Variants in FGF13 observed in about 807,000 individuals in gnomAD.
FGF13 encodes fibroblast growth factor homologous factor 2.
A neutral mutation model predicts 19.5 loss-of-function variants in FGF13; 2 were observed. That is an observed-to-expected ratio of 0.10 (90% CI 0.04 to 0.32). The LOEUF (loss-of-function observed/expected upper bound fraction) is 0.32. Among genes scored for constraint, FGF13 ranks in the 10% least tolerant of loss-of-function variants. The probability of loss-of-function intolerance (pLI) is 1.00; values close to 1 mark genes in which losing one functional copy is unlikely to be tolerated. For synonymous variants in FGF13, 72 were observed against 76.9 expected, an observed-to-expected ratio of 0.94 and a Z score of 0.33; for missense variants, 113 against 192.7, an observed-to-expected ratio of 0.59 and a Z score of 2.45.
At chrX:138,677,116 T>C (rs920263944) in intron 3 of FGF13, among the ~76,000 whole-genome samples, 12 of 112,380 alleles carry the variant, frequency 1.1e-4, no homozygotes, top group Admixed American at 5.7e-4. Flanking sequence ...CTATCTATTA[T>C]AGTTATGTGC....
rs1407776481 is a variant in FGF13, at chrX:139,201,323, TTA to T, written c.-113+2091_-113+2092del. ...TTACTGGAAACCTACTACCTGTGCT[TTA>T]AAAGCTCTGGAAACACTGTACTCTA... On this transcript the variant is annotated intron_variant, in intron 1 of 2. Coordinates refer to the FGF13 transcript ENST00000421460. Among the ~76,000 whole-genome samples, 3 of 112,050 alleles carry T rather than the reference TTA, an allele frequency of 2.7e-5. No homozygotes were observed. The Admixed American group carries it at 2.8e-4, about 11-fold the overall frequency.
At chrX:139,114,838 A>G (rs996763104) in intron 1 of FGF13, among the ~76,000 whole-genome samples, 3 of 112,138 alleles carry the variant, frequency 2.7e-5, no homozygotes, top group African/African-American at 9.7e-5. Context: ...CTAAATATAT[A>G]TCCCCAAAAC....
intron 3 of FGF13, among the ~76,000 whole-genome samples, chrX:138,826,750 G>A (rs1012066454): frequency 7.1e-5 from 8 of 112,063 alleles, no homozygotes; most frequent in African/African-American, 2.6e-4. Flanking sequence ...ATCTTTCAGT[G>A]GATCTATTAG....
chrX:138,943,190 G>A (rs1338179311), intron 1 of FGF13, among the ~76,000 whole-genome samples: 2 of 112,247 alleles, frequency 1.8e-5, no homozygotes, highest in African/African-American at 3.2e-5. Flanking sequence ...CAGTGGGTGG[G>A]CCCCAGGGCT....
rs147582247 is a variant in FGF13 at position 139,043,208 on chromosome X, C to T, written c.-113+160208G>A. ...GGCTACACTTTTCAATTAGGGAAAG[C>T]TAATCAATATTTTTTGGGGTGGGGA... On this transcript the variant is annotated intron_variant, in intron 1 of 2. Coordinates refer to the FGF13 transcript ENST00000421460. 9.4e-3 allele frequency among the ~76,000 whole-genome samples: 1,043 copies of T among 110,564 alleles called. 19 individuals carry two copies. The highest frequency in any genetic ancestry group is 0.032 in the African/African-American group (971 of 30,198).
intron 3 of FGF13, among the ~76,000 whole-genome samples, chrX:138,661,402 C>T (rs977187564): frequency 3.6e-5 from 4 of 111,843 alleles, no homozygotes; most frequent in Non-Finnish European, 5.6e-5. Context: ...TTACGGCTAA[C>T]GAAGGCTTCA....
At chrX:138,973,790 T>C (rs1225509945) in intron 1 of FGF13, among the ~76,000 whole-genome samples, 1 of 112,241 alleles carries the variant, frequency 8.9e-6, no homozygotes, top group East Asian at 2.8e-4. Context: ...GTTTATCTTG[T>C]ATCATATGAG....
At chrX:138,780,691 C>CTT (rs2090633484) in intron 3 of FGF13, among the ~76,000 whole-genome samples, 2 of 106,062 alleles carry the variant, frequency 1.9e-5, no homozygotes, top group Non-Finnish European at 3.9e-5. Flanking sequence ...TACAAAGAGA[C>CTT]TTAGACTCCC....
chrX:138,846,818 C>T (rs1359391854), intron 3 of FGF13, among the ~76,000 whole-genome samples: 1 of 112,167 alleles, frequency 8.9e-6, no homozygotes, highest in Non-Finnish European at 1.9e-5. Flanking sequence ...AGATCTATTG[C>T]ATTCAAATCG....
chrX:139,019,759 T>G (rs994352385), intron 1 of FGF13, among the ~76,000 whole-genome samples: 8 of 110,631 alleles, frequency 7.2e-5, no homozygotes, highest in Non-Finnish European at 1.5e-4. Flanking sequence ...AGTGTTCATG[T>G]CTATGTGTGT....
chrX:138,961,094 G>A (rs996735029), intron 1 of FGF13, among the ~76,000 whole-genome samples: 1 of 110,450 alleles, frequency 9.1e-6, no homozygotes, highest in East Asian at 2.9e-4. Context: ...AGAGGTGCTC[G>A]GTTTTTAGAA....
chrX:138,764,182 G>A (rs1040058803), intron 3 of FGF13, among the ~76,000 whole-genome samples: 1 of 111,991 alleles, frequency 8.9e-6, no homozygotes, highest in Admixed American at 9.5e-5. Flanking sequence ...CTGTGATGAG[G>A]AAGCATGCCA....
chrX:138,767,228 GCTT>G (rs952283353), intron 3 of FGF13, among the ~76,000 whole-genome samples: 3 of 111,938 alleles, frequency 2.7e-5, no homozygotes, highest in Admixed American at 1.9e-4. Context: ...ACTGGTGCTG[GCTT>G]CTTCTTCTTG....
intron 1 of FGF13, among the ~76,000 whole-genome samples, chrX:138,939,727 T>C (rs6635734): frequency 1.1e-3 from 128 of 111,899 alleles, no homozygotes; most frequent in African/African-American, 4.1e-3. Flanking sequence ...GCTTCATCCA[T>C]GTTGCTGCAA....
At chrX:138,814,824 G>A (rs2090950657) in intron 3 of FGF13, among the ~76,000 whole-genome samples, 1 of 110,887 alleles carries the variant, frequency 9.0e-6, no homozygotes, top group Non-Finnish European at 1.9e-5. Flanking sequence ...ATATGATCCA[G>A]TAATTCCATT....
intron 1 of FGF13, among the ~76,000 whole-genome samples, chrX:139,096,750 G>C (rs776420253): frequency 2.7e-5 from 3 of 111,898 alleles, no homozygotes; most frequent in Non-Finnish European, 5.6e-5. Flanking sequence ...TCAATGCTAT[G>C]AGTAACTTTA....
chrX:138,673,781 T>G (rs1456075960), intron 3 of FGF13, among the ~76,000 whole-genome samples: 1 of 110,893 alleles, frequency 9.0e-6, no homozygotes, highest in Non-Finnish European at 1.9e-5. Flanking sequence ...CTGAGAAATT[T>G]GAGTATGAAA....
At chrX:138,969,690 C>T (rs2091907858) in intron 1 of FGF13, among the ~76,000 whole-genome samples, 1 of 111,534 alleles carries the variant, frequency 9.0e-6, no homozygotes, top group African/African-American at 3.3e-5. Context: ...CACACCACTA[C>T]AGCAAATTAG....
At chrX:138,685,935 T>C (rs916602575) in intron 3 of FGF13, among the ~76,000 whole-genome samples, 1 of 109,531 alleles carries the variant, frequency 9.1e-6, no homozygotes, top group African/African-American at 3.3e-5. Context: ...TTTCTCAATA[T>C]ACTAAATGAA....
Sources: gnomAD v4.1 joint callset for allele counts (sites outside exome capture counted in the v4.1 genomes callset) on GRCh38, gnomAD v4.1.1 for gene constraint, MANE v1.5 for transcripts, NCBI Gene and HGNC (gene_info 2026-07-23, HGNC 2026-07-21) for gene names.